The following PDE3A variants were observed in gnomAD, a reference collection of about 807,000 sequenced individuals.
PDE3A encodes phosphodiesterase 3A.
PDE3A carries 43 observed loss-of-function variants against 98.3 expected under a neutral mutation model. That is an observed-to-expected ratio of 0.44 (90% CI 0.34 to 0.56). PDE3A has a LOEUF of 0.56. Among genes scored for constraint, PDE3A ranks in the 20% least tolerant of loss-of-function variants. PDE3A has a pLI of 0.01. For synonymous variants in PDE3A, 663 were observed against 567.9 expected, an observed-to-expected ratio of 1.17 and a Z score of -2.38; for missense variants, 1,427 against 1,440.7, an observed-to-expected ratio of 0.99 and a Z score of 0.15.
In PDE3A at chr12:20,471,617, G is replaced by C. The variant is rs367649806; in HGVS notation, c.961-85043G>C. ...TTTCAAAAACCATCTTTTTTCTGTT[G>C]CCTCAAGTTTTCCAGTACTTTAAAT... On this transcript the variant is annotated intron_variant, in intron 1 of 15. Transcript: ENST00000359062. 4.6e-3 allele frequency among the ~76,000 whole-genome samples: 702 copies of C among 152,096 alleles called. 3 individuals are homozygous for C. Among genetic ancestry groups the C allele is most frequent in the Admixed American group, 0.014 (216 of 15,250 alleles).
chr12:20,408,973 G>A (rs891541827), intron 1 of PDE3A, among the ~76,000 whole-genome samples: 8 of 151,874 alleles, frequency 5.3e-5, no homozygotes, highest in Non-Finnish European at 1.5e-5. Context: ...CTTTTTACCC[G>A]CTTTCCTCTC....
At chr12:20,533,466 C>G (rs995186153) in intron 1 of PDE3A, among the ~76,000 whole-genome samples, 19 of 142,948 alleles carry the variant, frequency 1.3e-4, no homozygotes, top group African/African-American at 4.8e-4. Context: ...CTGTGATACC[C>G]AGTTTCTTTT....
intron 1 of PDE3A, among the ~76,000 whole-genome samples, chr12:20,511,154 C>T (rs1252184017): frequency 6.6e-6 from 1 of 151,974 alleles, no homozygotes; most frequent in Non-Finnish European, 1.5e-5. Context: ...TAAAAAAAGG[C>T]TTCATGTTGA....
chr12:20,437,247 T>G (rs1307589024), intron 1 of PDE3A, among the ~76,000 whole-genome samples: 1 of 152,160 alleles, frequency 6.6e-6, no homozygotes, highest in African/African-American at 2.4e-5. Flanking sequence ...TGCTATAAAT[T>G]AGTTAAAAGT....
At chr12:20,608,666 A>C (rs1943771814) in intron 2 of PDE3A, among the ~76,000 whole-genome samples, 1 of 151,988 alleles carries the variant, frequency 6.6e-6, no homozygotes, top group African/African-American at 2.4e-5. Flanking sequence ...TACATCTATT[A>C]CTTTAAAGAA....
chr12:20,422,790 A>G (rs1304041306), intron 1 of PDE3A, among the ~76,000 whole-genome samples: 1 of 152,244 alleles, frequency 6.6e-6, no homozygotes, highest in Non-Finnish European at 1.5e-5. Context: ...TTGAATTTTA[A>G]AAGACAATCT....
chr12:20,496,777 G>C (rs377668768), intron 1 of PDE3A, among the ~76,000 whole-genome samples: 1 of 152,152 alleles, frequency 6.6e-6, no homozygotes, highest in African/African-American at 2.4e-5. Flanking sequence ...ACGAATATGG[G>C]CTTTGTGCTC....
chr12:20,560,126 A>G (rs1396668492), intron 2 of PDE3A, among the ~76,000 whole-genome samples: 1 of 152,176 alleles, frequency 6.6e-6, no homozygotes, highest in Non-Finnish European at 1.5e-5. Context: ...GAAGGTGACA[A>G]TTCCAAAATG....
At chr12:20,657,743 G>T (rs1036258263) in intron 15 of PDE3A, among the ~76,000 whole-genome samples, 1 of 152,104 alleles carries the variant, frequency 6.6e-6, no homozygotes, top group African/African-American at 2.4e-5. Flanking sequence ...TTTCTTCTAC[G>T]TCACCTTCTT....
chr12:20,668,521 C>T lies in PDE3A; in HGVS notation c.3185-11509C>T, dbSNP rs574659714. 4.5e-3 allele frequency among the ~76,000 whole-genome samples: 689 copies of T among 152,326 alleles called. 6 individuals carry two copies. Among genetic ancestry groups the T allele is most frequent in the African/African-American group, 0.016 (671 of 41,582 alleles). On this transcript the variant is annotated intron_variant, in intron 15 of 15. Coordinates refer to ENST00000359062, the MANE Select transcript of PDE3A (RefSeq NM_000921.5). ...AGATCTGAGAACAGGCAGACTGCCTCCTCAAGTGGGTCCCTGACCCCTGAC... is the reference window on the plus strand; with the variant it reads ...AGATCTGAGAACAGGCAGACTGCCTTCTCAAGTGGGTCCCTGACCCCTGAC...
intron 1 of PDE3A, among the ~76,000 whole-genome samples, chr12:20,528,148 G>A (rs1316100414): frequency 6.6e-6 from 1 of 152,172 alleles, no homozygotes; most frequent in Non-Finnish European, 1.5e-5. Context: ...TTTATCGTGA[G>A]TAGTTGTTCT....
At chr12:20,390,256 T>G (rs948311114) in intron 1 of PDE3A, among the ~76,000 whole-genome samples, 1 of 151,782 alleles carries the variant, frequency 6.6e-6, no homozygotes, top group Non-Finnish European at 1.5e-5. Context: ...GGTTGAGGAA[T>G]TTGATATTTT....
intron 1 of PDE3A, among the ~76,000 whole-genome samples, chr12:20,378,697 GA>G (rs1943614449): frequency 6.6e-6 from 1 of 151,718 alleles, no homozygotes; most frequent in African/African-American, 2.4e-5. Flanking sequence ...GCTGAAGAAT[GA>G]AATGTCATTG....
At chr12:20,420,126 T>C (rs542277190) in intron 1 of PDE3A, among the ~76,000 whole-genome samples, 1 of 152,286 alleles carries the variant, frequency 6.6e-6, no homozygotes, top group East Asian at 1.9e-4. Context: ...TACAAAGATA[T>C]GGAAAAATAT....
chr12:20,589,867 T>TCAAAAAAAAAAAAAAA (rs1943289418), intron 2 of PDE3A, among the ~76,000 whole-genome samples: 1 of 89,298 alleles, frequency 1.1e-5, no homozygotes, highest in Non-Finnish European at 2.2e-5. Context: ...AGACTGCATC[T>TCAAAAAAAAAAAAAAA]TAAAAAAAAA....
At chr12:20,445,890 TA>T (rs1358428026) in intron 1 of PDE3A, among the ~76,000 whole-genome samples, 3 of 152,056 alleles carry the variant, frequency 2.0e-5, no homozygotes, top group Admixed American at 6.6e-5. Context: ...ACAAAGCTTT[TA>T]AAAAAAATCA....
chr12:20,467,643 A>G (rs1565558588), intron 1 of PDE3A, among the ~76,000 whole-genome samples: 1 of 152,124 alleles, frequency 6.6e-6, no homozygotes, highest in Non-Finnish European at 1.5e-5. Context: ...GACAGTAAAG[A>G]GTTGGTCAAT....
chr12:20,370,762 T>C (rs1257895805), intron 1 of PDE3A, among the ~76,000 whole-genome samples: 1 of 152,202 alleles, frequency 6.6e-6, no homozygotes, highest in Non-Finnish European at 1.5e-5. Context: ...AAGCTGTGCT[T>C]GAAGGTGAGG....
chr12:20,416,415 CATGTGTGTGT>C (rs1245930547), intron 1 of PDE3A, among the ~76,000 whole-genome samples: 2 of 152,060 alleles, frequency 1.3e-5, no homozygotes, highest in African/African-American at 4.8e-5. Flanking sequence ...TATGTGAATG[CATGTGTGTGT>C]ATGTGTGTGT....
Sources: gnomAD v4.1 joint callset for allele counts (sites outside exome capture counted in the v4.1 genomes callset) on GRCh38, gnomAD v4.1.1 for gene constraint, MANE v1.5 for transcripts, NCBI Gene and HGNC (gene_info 2026-07-23, HGNC 2026-07-21) for gene names.